FAM228B: variants seen among roughly 807,000 people sequenced by gnomAD.
FAM228B encodes protein FAM228B.
A neutral mutation model predicts 42.6 loss-of-function variants in FAM228B; 38 were observed. The ratio of observed to expected loss-of-function variants is 0.89; its 90% confidence interval spans 0.69 to 1.17. FAM228B has a LOEUF of 1.17. FAM228B is among the 50% of genes most tolerant of loss of function. The pLI, the probability that FAM228B is intolerant of heterozygous loss-of-function variation, is 0.00. For missense variants in FAM228B, 344 were observed against 367.3 expected (o/e 0.94, Z 0.52); for synonymous variants, 109 against 122.3 (o/e 0.89, Z 0.72).
At chr2:24,109,159 A>T (rs1384648358) in intron 3 of FAM228B, among the ~76,000 whole-genome samples, 1 of 148,596 alleles carries the variant, frequency 6.7e-6, no homozygotes, top group East Asian at 1.9e-4. Context: ...TGACAAAAAA[A>T]AAGAGTAATG....
chr2:24,090,370 G>C (rs369646000), intron 2 of FAM228B, among the ~76,000 whole-genome samples: 1 of 151,948 alleles, frequency 6.6e-6, no homozygotes, highest in Non-Finnish European at 1.5e-5. Flanking sequence ...GAACAGTTGA[G>C]GTCAGGAGTT....
intron 3 of FAM228B, among the ~76,000 whole-genome samples, chr2:24,108,369 G>C (rs1469632823): frequency 6.6e-6 from 1 of 152,148 alleles, no homozygotes; most frequent in Non-Finnish European, 1.5e-5. Context: ...GATGTATAAA[G>C]AAAAGCTGGT....
chr2:24,092,390 C>T (rs1665410792), intron 2 of FAM228B, among the ~76,000 whole-genome samples: 1 of 151,982 alleles, frequency 6.6e-6, no homozygotes, highest in Admixed American at 6.6e-5. Context: ...GCCTGGCCAA[C>T]ATGGTGAAAC....
intron 4 of FAM228B, 30 bp downstream of exon 4, chr2:24,138,130 A>G: frequency 6.8e-7 from 1 of 1,464,176 alleles, no homozygotes; most frequent in East Asian, 2.5e-5. Context: ...TGCTTTTTTC[A>G]GTTGATTTAG....
chr2:24,086,824 G>A (rs1020202085), intron 2 of FAM228B, among the ~76,000 whole-genome samples: 2 of 152,176 alleles, frequency 1.3e-5, no homozygotes, highest in Non-Finnish European at 2.9e-5. Flanking sequence ...CACATCATCC[G>A]GATACACATC....
At chr2:24,168,043 C>T in intron 10 of FAM228B, 1 of 247,434 alleles carries the variant, frequency 4.0e-6, no homozygotes, top group East Asian at 8.3e-5. Context: ...CACTTAGGAA[C>T]ATAGCCTCTA....
chr2:24,110,885 AC>A (rs1291388308), intron 3 of FAM228B, among the ~76,000 whole-genome samples: 2 of 151,988 alleles, frequency 1.3e-5, no homozygotes, highest in East Asian at 1.9e-4. Flanking sequence ...GAGCTCCTTA[AC>A]CTGTGAGGTC....
In FAM228B at chr2:24,077,518, T is replaced by C; in HGVS notation, c.-290+549T>C. 6.6e-7 allele frequency: 1 copy of C among 1,525,700 alleles called. No homozygotes were observed. The highest frequency in any genetic ancestry group is 8.8e-7 in the Non-Finnish European group (1 of 1,134,262). 94.5% of individuals were successfully genotyped at this position (1,525,700 alleles called of 1,614,324 possible). ...TTTCTTGGCCTGTCTATTGTGAATC[T>C]TCTCCAGGTTTGCTCTGGAAAGGCC... On this transcript the variant is annotated intron_variant, in intron 1 of 10. Coordinates refer to the FAM228B transcript ENST00000613899. This position sits in a 1 kb window ranked among gnomAD's most constrained non-coding sequence, Gnocchi z 5.5.
chr2:24,083,232 C>A, intron 2 of FAM228B: 3 of 1,474,324 alleles, frequency 2.0e-6, no homozygotes, highest in Non-Finnish European at 2.7e-6. Flanking sequence ...CTTCCAAGAT[C>A]CCCTCTTTTT....
At chr2:24,130,854 T>G (rs770958980) in intron 2 of FAM228B, among the ~76,000 whole-genome samples, 6 of 152,242 alleles carry the variant, frequency 3.9e-5, no homozygotes, top group Non-Finnish European at 5.9e-5. Flanking sequence ...TTTGGCATTT[T>G]TGTCATGAAG....
Position 24,077,075 on chromosome 2 carries a change from G to A in FAM228B, c.-290+106G>A. The A allele has an allele frequency of 6.3e-6, 1 of 159,398 alleles. No individual in the cohort carries two copies. The highest frequency in any genetic ancestry group is 1.4e-4 in the South Asian group (1 of 7,134). The allele number at this position is 159,398 out of a possible 1,614,324, so 9.9% of individuals were successfully genotyped here. ...GGCTGAGGAAAGTGGTGGAGGTGGGGCGGGGCTCAGATGTGTAGCGGGAGG... is the reference window on the plus strand; with the variant it reads ...GGCTGAGGAAAGTGGTGGAGGTGGGACGGGGCTCAGATGTGTAGCGGGAGG... On this transcript the variant is annotated intron_variant, in intron 1 of 10. Transcript: ENST00000613899. The surrounding 1 kb of genome is among the most constrained non-coding windows in gnomAD (Gnocchi z 5.5).
chr2:24,081,953 C>G (rs1665025626), intron 2 of FAM228B, among the ~76,000 whole-genome samples: 1 of 152,032 alleles, frequency 6.6e-6, no homozygotes, highest in African/African-American at 2.4e-5. Context: ...CCTCAGCCGC[C>G]CAAAGTGCTG....
chr2:24,132,028 T>G (rs1401047941), intron 2 of FAM228B, among the ~76,000 whole-genome samples: 3 of 152,240 alleles, frequency 2.0e-5, no homozygotes, highest in African/African-American at 7.2e-5. Context: ...TATTGAAAGT[T>G]TTTAACATGA....
At chr2:24,167,843 T>A (rs981920865) in intron 10 of FAM228B, 160 bp downstream of exon 10, 1 of 828,404 alleles carries the variant, frequency 1.2e-6, no homozygotes, top group African/African-American at 1.7e-5. Context: ...GATGATCTAT[T>A]TCAGTGTAAG....
At position 24,124,358 on chromosome 2, in the gene FAM228B, C is replaced by G. The variant is rs1666245461; in HGVS notation, c.-4C>G. ...TTCCAGGGGCATTGTTATTTGTGAC[C>G]ACAATGAAAAATGTAGACAGTGATG... On this transcript the variant is annotated 5_prime_UTR_variant, in exon 2 of 11. Coordinates refer to ENST00000615575, the MANE Select transcript of FAM228B (RefSeq NM_001145710.2). 4 of 1,533,138 alleles carry G rather than the reference C, an allele frequency of 2.6e-6. No individual in the cohort carries two copies. The highest frequency in any genetic ancestry group is 1.7e-4 in the Middle Eastern group (1 of 5,924). 95.0% of individuals were successfully genotyped at this position (1,533,138 alleles called of 1,614,324 possible).
At chr2:24,121,147 A>G (rs1178717231), upstream of FAM228B, 3 of 1,613,882 alleles carry the variant, frequency 1.9e-6, no homozygotes, top group Non-Finnish European at 2.5e-6. Context: ...GCTCTCTTCA[A>G]ATCTTGAGCA....
intron 3 of FAM228B, among the ~76,000 whole-genome samples, chr2:24,112,242 G>A (rs1665809374): frequency 2.0e-5 from 3 of 150,492 alleles, no homozygotes; most frequent in Admixed American, 1.3e-4. Flanking sequence ...TATATATTAT[G>A]TGCATCAAAA....
At chr2:24,121,086 A>G (rs1366823427), upstream of FAM228B, 7 of 1,544,376 alleles carry the variant, frequency 4.5e-6, no homozygotes, top group African/African-American at 2.7e-5. Context: ...TTTTACAGAA[A>G]GGATCAGGCA....
Position 24,135,139 on chromosome 2 carries a change from T to G in FAM228B, c.120T>G (p.Thr40=), listed in dbSNP as rs530786089. The G allele has an allele frequency of 1.4e-4, 218 of 1,513,634 alleles. 1 individual carries two copies. The African/African-American group carries it at 2.6e-3, about 18-fold the overall frequency. The allele number at this position is 1,513,634 out of a possible 1,614,324, so 93.8% of individuals were successfully genotyped here. A position where few individuals can be genotyped will look rare whatever the true frequency, so the allele number is the denominator to read the frequency against. The change falls in exon 3 of 11, where the codon ACT becomes ACG. Residue 40 remains threonine (T), a synonymous_variant. Transcript: ENST00000615575. Reference sequence around the variant, plus strand: ...TTCAGGTTTTAGCTAAAGAAGATACTGAGGCAGCTATTCAATCAATATTAT... The same window carrying G: ...TTCAGGTTTTAGCTAAAGAAGATACGGAGGCAGCTATTCAATCAATATTAT... The part of the protein sequence containing the change: ...CFMEVLAKED[T]EAAIQSILYK...
Sources: gnomAD v4.1 joint callset for allele counts (sites outside exome capture counted in the v4.1 genomes callset) on GRCh38, gnomAD v4.1.1 for gene constraint, Gnocchi (gnomAD v3.1) non-coding constraint, MANE v1.5 for transcripts, NCBI Gene and HGNC (gene_info 2026-07-23, HGNC 2026-07-21) for gene names.